Variants in TBC1D8 observed in about 807,000 individuals in gnomAD.
The protein encoded by TBC1D8 is TBC1 domain family member 8.
TBC1D8 carries 65 observed loss-of-function variants against 118.8 expected under a neutral mutation model. The observed-to-expected ratio is 0.55, with a 90% confidence interval of 0.45 to 0.67. The LOEUF (loss-of-function observed/expected upper bound fraction) is 0.67, where lower values mean the gene tolerates loss of function less well. Ranked by LOEUF, TBC1D8 falls within the 30% of genes least tolerant of loss-of-function variation. The pLI, the probability that TBC1D8 is intolerant of heterozygous loss-of-function variation, is 0.00. For missense variants in TBC1D8, 1,376 were observed against 1,471.2 expected, an observed-to-expected ratio of 0.94 and a Z score of 1.06; for synonymous variants, 566 against 595.8, an observed-to-expected ratio of 0.95 and a Z score of 0.73.
chr2:101,091,627 A>T (rs925654202), intron 1 of TBC1D8, among the ~76,000 whole-genome samples: 2 of 152,158 alleles, frequency 1.3e-5, no homozygotes, highest in African/African-American at 4.8e-5. Flanking sequence ...CAGGAGGCTG[A>T]GGCGGGAGGA....
At chr2:101,048,448 A>AC (rs368483515) in intron 5 of TBC1D8, among the ~76,000 whole-genome samples, 23 of 152,090 alleles carry the variant, frequency 1.5e-4, no homozygotes, top group African/African-American at 4.8e-4. Flanking sequence ...GGCAACGAGC[A>AC]CCCCCTCACC....
Position 101,027,331 on chromosome 2 carries a change from G to A in TBC1D8, c.2520+52C>T, listed in dbSNP as rs1038541011. The A allele has an allele frequency of 1.0e-5, 16 of 1,564,472 alleles. No individual in the cohort carries two copies. In the African/African-American group the frequency reaches 1.2e-4, roughly 12 times the overall value. On this transcript the variant is annotated intron_variant, in intron 15 of 19. Coordinates refer to ENST00000409318, the MANE Select transcript of TBC1D8 (RefSeq NM_001330348.2). ...GTCCCCTGGGCAGGCTGGGCACCGC[G>A]GCTCAGGCCAGCTCAGGGCCTGGAA...
In TBC1D8 at chr2:101,037,564, G is replaced by A; in HGVS notation, c.1420C>T (p.Gln474Ter). 6.2e-7 allele frequency: 1 copy of A among 1,613,026 alleles called. No homozygotes were observed. The highest frequency in any genetic ancestry group is 8.5e-7 in the Non-Finnish European group (1 of 1,179,898). ...GAGTCAGGGCTCTGGCTGCCTGACTGCTGGAAGGCGGTGACCAGGGCATCG... is the reference window on the plus strand; with the variant it reads ...GAGTCAGGGCTCTGGCTGCCTGACTACTGGAAGGCGGTGACCAGGGCATCG... ...HPDALVTAFQ[Q>*]SGSQSPDSRM... Residue 474 changes from glutamine (Q) to a stop codon, truncating the protein, a stop_gained, in exon 8 of 20, where the codon CAG becomes TAG. Coordinates refer to ENST00000409318, the MANE Select transcript of TBC1D8 (RefSeq NM_001330348.2). LOFTEE classifies it high-confidence loss of function.
At chr2:101,064,802 A>AG (rs1411309540) in intron 2 of TBC1D8, among the ~76,000 whole-genome samples, 1 of 152,226 alleles carries the variant, frequency 6.6e-6, no homozygotes, top group Non-Finnish European at 1.5e-5. Flanking sequence ...GATGCCTGAC[A>AG]TGTGTCAGGA....
intron 17 of TBC1D8, among the ~76,000 whole-genome samples, chr2:101,017,694 T>G (rs1679757435): frequency 6.6e-6 from 1 of 152,196 alleles, no homozygotes; most frequent in Admixed American, 6.5e-5. Context: ...GGAAAGCAGA[T>G]CATTCTAACA....
chr2:101,046,498 G>A (rs776878235), intron 5 of TBC1D8, among the ~76,000 whole-genome samples: 3 of 152,208 alleles, frequency 2.0e-5, no homozygotes, highest in Non-Finnish European at 2.9e-5. Flanking sequence ...GTGAGACATG[G>A]GCCTTCTCTT....
At chr2:101,062,034 G>T (rs1161384573) in intron 2 of TBC1D8, among the ~76,000 whole-genome samples, 4 of 152,184 alleles carry the variant, frequency 2.6e-5, no homozygotes, top group African/African-American at 9.7e-5. Context: ...TGGTTTACCT[G>T]CCTCTGGCTT....
intron 1 of TBC1D8, among the ~76,000 whole-genome samples, chr2:101,135,339 G>A (rs1422961000): frequency 6.6e-6 from 1 of 151,760 alleles, no homozygotes; most frequent in Non-Finnish European, 1.5e-5. Context: ...GCTGAAAGAC[G>A]AAACAACATC....
intron 1 of TBC1D8, among the ~76,000 whole-genome samples, chr2:101,131,179 G>A (rs1313933533): frequency 6.6e-6 from 1 of 152,130 alleles, no homozygotes; most frequent in East Asian, 1.9e-4. Context: ...CTGAGACTAT[G>A]GGCACAAGTC....
intron 1 of TBC1D8, among the ~76,000 whole-genome samples, chr2:101,147,046 C>G (rs1679345595): frequency 6.6e-6 from 1 of 150,946 alleles, no homozygotes; most frequent in Admixed American, 6.6e-5. Flanking sequence ...GGCACGGTGG[C>G]TCACACCTGT....
At chr2:101,075,657 T>TTC (rs910442651) in intron 2 of TBC1D8, among the ~76,000 whole-genome samples, 3 of 152,184 alleles carry the variant, frequency 2.0e-5, no homozygotes, top group African/African-American at 7.2e-5. Context: ...AGTGCCTTGC[T>TTC]TCTCCTTTGC....
At position 101,047,290 on chromosome 2, in the gene TBC1D8, C is replaced by T. The variant is rs189326053; in HGVS notation, c.872+3111G>A. ...CTCCCAGGGGAGCTACGAGCGGCTC[C>T]GCACTGTGGCCATAAGTCCTGCTGG... On this transcript the variant is annotated intron_variant, in intron 5 of 19. Coordinates refer to ENST00000409318, the MANE Select transcript of TBC1D8 (RefSeq NM_001330348.2). Among the ~76,000 whole-genome samples, 493 of 152,326 alleles carry T rather than the reference C, an allele frequency of 3.2e-3. 3 individuals carry two copies. The highest frequency in any genetic ancestry group is 0.011 in the African/African-American group (463 of 41,586).
intron 7 of TBC1D8, 48 bp downstream of exon 7, chr2:101,038,413 G>C: frequency 6.3e-7 from 1 of 1,590,154 alleles, no homozygotes; most frequent in South Asian, 1.1e-5. Context: ...TGGAGACCAC[G>C]GCCTGAGACA....
At chr2:101,125,685 T>G (rs1336232709) in intron 1 of TBC1D8, among the ~76,000 whole-genome samples, 1 of 152,196 alleles carries the variant, frequency 6.6e-6, no homozygotes, top group African/African-American at 2.4e-5. Context: ...CTTGCAGAGA[T>G]GAGGTATAGA....
intron 1 of TBC1D8, among the ~76,000 whole-genome samples, chr2:101,131,630 T>C (rs1002520788): frequency 5.3e-5 from 8 of 149,988 alleles, no homozygotes; most frequent in African/African-American, 2.0e-4. Flanking sequence ...CTGGCTAATA[T>C]GGTGAAACCC....
At chr2:101,116,410 T>C (rs1280450941) in intron 1 of TBC1D8, among the ~76,000 whole-genome samples, 1 of 152,134 alleles carries the variant, frequency 6.6e-6, no homozygotes, top group Non-Finnish European at 1.5e-5. Flanking sequence ...AGCTTCCTCA[T>C]GTGTCCAACG....
rs775721540 is a variant in TBC1D8 at position 101,010,920 on chromosome 2, A to G, written c.3015+9T>C. 3.1e-6 allele frequency: 5 copies of G among 1,607,462 alleles called. No homozygotes were observed. The South Asian group carries it at 4.4e-5, about 14-fold the overall frequency. On this transcript the variant is annotated intron_variant, in intron 19 of 19. Coordinates refer to ENST00000409318, the MANE Select transcript of TBC1D8 (RefSeq NM_001330348.2). ...AAAGTTAATTCTCTGCACTGAAGAA[A>G]GTCCATACCTGGCTCATTTTGGGCA...
intron 6 of TBC1D8, among the ~76,000 whole-genome samples, chr2:101,039,281 C>A (rs2105398757): frequency 6.6e-6 from 1 of 152,296 alleles, no homozygotes; most frequent in African/African-American, 2.4e-5. Context: ...AGATTTCTTG[C>A]TCCACTAATA....
intron 2 of TBC1D8, among the ~76,000 whole-genome samples, chr2:101,061,779 C>T (rs985888579): frequency 6.6e-6 from 1 of 152,196 alleles, no homozygotes; most frequent in Non-Finnish European, 1.5e-5. Context: ...TCTTGCTCTC[C>T]ACTTCCTGCC....
Sources: gnomAD v4.1 joint callset for allele counts (sites outside exome capture counted in the v4.1 genomes callset) on GRCh38, gnomAD v4.1.1 for gene constraint, MANE v1.5 for transcripts, NCBI Gene and HGNC (gene_info 2026-07-23, HGNC 2026-07-21) for gene names.